The following FCHSD2 variants were observed in gnomAD, a reference collection of about 807,000 sequenced individuals.
The protein encoded by FCHSD2 is FCH and double SH3 domains 2, also known as F-BAR and double SH3 domains protein 2.
In FCHSD2, 38 loss-of-function variants were observed where a neutral mutation model predicts 108.1. That is an observed-to-expected ratio of 0.35 (90% CI 0.27 to 0.46). The LOEUF is 0.46. FCHSD2 is among the 20% of genes least tolerant of loss of function. FCHSD2 has a pLI of 1.00. For missense variants in FCHSD2, 751 were observed against 897.8 expected (o/e 0.84, Z 2.09); for synonymous variants, 279 against 314.7 (o/e 0.89, Z 1.20).
Position 72,954,196 on chromosome 11 carries a change from A to AATTTTTTTTTTT in FCHSD2, c.705+29891_705+29892insAAAAAAAAAAAT, listed in dbSNP as rs1565339614. On this transcript the variant is annotated intron_variant, in intron 8 of 19. Transcript: ENST00000409418. The stretch of plus-strand genomic sequence containing the variant: ...TAGAATATTAGCAGTAGATGTGGGG[A>AATTTTTTTTTTT]TTTTTTTTTTTTTTTTTTTTTTTTT... Among the ~76,000 whole-genome samples the AATTTTTTTTTTT allele has an allele frequency of 7.2e-5, 8 of 111,702 alleles. 3 individuals are homozygous for AATTTTTTTTTTT. The highest frequency in any genetic ancestry group is 9.0e-5 in the Non-Finnish European group (5 of 55,680). 73.3% of individuals were successfully genotyped at this position (111,702 alleles called of 152,430 possible).
At chr11:73,118,980 ATAAT>A (rs1182660540) in intron 2 of FCHSD2, among the ~76,000 whole-genome samples, 1 of 152,236 alleles carries the variant, frequency 6.6e-6, no homozygotes, top group Non-Finnish European at 1.5e-5. Flanking sequence ...TAATAAATAA[ATAAT>A]TAATTTTTGT....
At chr11:72,843,774 T>C (rs951183444) in intron 14 of FCHSD2, 2 of 493,070 alleles carry the variant, frequency 4.1e-6, no homozygotes, top group African/African-American at 1.9e-5. Flanking sequence ...TGACGTTCAA[T>C]GAACAGAACA....
At chr11:73,051,476 CAG>C (rs1412928272) in intron 3 of FCHSD2, among the ~76,000 whole-genome samples, 2 of 151,880 alleles carry the variant, frequency 1.3e-5, no homozygotes, top group African/African-American at 4.8e-5. Flanking sequence ...AATTTACAAA[CAG>C]AAAAAGTTTA....
intron 6 of FCHSD2, among the ~76,000 whole-genome samples, chr11:72,987,689 C>T (rs1262944648): frequency 6.6e-6 from 1 of 152,166 alleles, no homozygotes; most frequent in Non-Finnish European, 1.5e-5. Context: ...TTCTCAGAAA[C>T]GCCCCTCCAC....
chr11:72,980,143 C>G (rs1008864259), intron 8 of FCHSD2, among the ~76,000 whole-genome samples: 63 of 152,068 alleles, frequency 4.1e-4, no homozygotes, highest in South Asian at 2.1e-4. Context: ...TCTATCGTCT[C>G]TGTAAATTAG....
intron 3 of FCHSD2, among the ~76,000 whole-genome samples, chr11:73,040,914 C>T (rs1342539432): frequency 6.6e-6 from 1 of 152,126 alleles, no homozygotes; most frequent in Non-Finnish European, 1.5e-5. Flanking sequence ...AACTATCATT[C>T]TACTCTCAAT....
chr11:72,983,647 AC>A (rs773572933), intron 8 of FCHSD2: 5 of 224,358 alleles, frequency 2.2e-5, no homozygotes, highest in Non-Finnish European at 4.6e-5. Context: ...ATACAATCTA[AC>A]AAAAATTATG....
At chr11:72,904,713 T>C (rs1456201497) in intron 9 of FCHSD2, among the ~76,000 whole-genome samples, 1 of 152,226 alleles carries the variant, frequency 6.6e-6, no homozygotes. Flanking sequence ...AAAAAGTTTT[T>C]CAAATCAGGA....
chr11:72,921,046 G>T (rs1855967570), intron 9 of FCHSD2, among the ~76,000 whole-genome samples: 1 of 151,060 alleles, frequency 6.6e-6, no homozygotes, highest in Admixed American at 6.6e-5. Flanking sequence ...TCTCCTAAAA[G>T]TATTAGCCAG....
chr11:72,930,492 C>A (rs1413971906), intron 8 of FCHSD2, among the ~76,000 whole-genome samples: 1 of 152,160 alleles, frequency 6.6e-6, no homozygotes, highest in African/African-American at 2.4e-5. Context: ...TGGCTCACAC[C>A]TGTAATCCCA....
chr11:73,122,345 T>C (rs902194988), intron 2 of FCHSD2, among the ~76,000 whole-genome samples: 5 of 152,094 alleles, frequency 3.3e-5, no homozygotes, highest in African/African-American at 9.7e-5. Flanking sequence ...CATCAAGACA[T>C]AGACTCTGCT....
At chr11:73,121,174 T>TAC (rs34381314) in intron 2 of FCHSD2, among the ~76,000 whole-genome samples, 4,582 of 148,718 alleles carry the variant, frequency 0.031, 234 homozygotes, top group African/African-American at 0.1. Context: ...CACATACACA[T>TAC]ACACACACAC....
intron 2 of FCHSD2, among the ~76,000 whole-genome samples, chr11:73,094,993 G>A (rs1180484543): frequency 6.6e-6 from 1 of 152,132 alleles, no homozygotes; most frequent in African/African-American, 2.4e-5. Context: ...CTGGATTTCA[G>A]GAATTCTACT....
intron 10 of FCHSD2, among the ~76,000 whole-genome samples, chr11:72,901,944 G>A (rs948157608): frequency 1.3e-5 from 2 of 150,438 alleles, no homozygotes; most frequent in African/African-American, 2.5e-5. Flanking sequence ...GTGTGATCTC[G>A]GCTCACTGTA....
chr11:72,952,244 A>C (rs768803764), intron 8 of FCHSD2, among the ~76,000 whole-genome samples: 6 of 152,142 alleles, frequency 3.9e-5, no homozygotes, highest in Non-Finnish European at 7.3e-5. Flanking sequence ...GGAAAACACT[A>C]ATCTAGTATT....
chr11:72,975,133 G>A (rs1160937841), intron 8 of FCHSD2, among the ~76,000 whole-genome samples: 2 of 152,134 alleles, frequency 1.3e-5, no homozygotes, highest in Non-Finnish European at 2.9e-5. Flanking sequence ...CCATGTTATT[G>A]CAAATGACAG....
At chr11:72,875,678 G>A (rs886996177) in intron 12 of FCHSD2, among the ~76,000 whole-genome samples, 1 of 152,084 alleles carries the variant, frequency 6.6e-6, no homozygotes, top group African/African-American at 2.4e-5. Context: ...ATTTAATCAA[G>A]GTCACACCAA....
intron 3 of FCHSD2, among the ~76,000 whole-genome samples, chr11:73,028,029 C>T (rs1858269208): frequency 1.3e-5 from 2 of 152,234 alleles, no homozygotes; most frequent in Non-Finnish European, 2.9e-5. Context: ...AGGGGCAGAG[C>T]CCTCATGGAG....
intron 10 of FCHSD2, chr11:72,900,233 GCCCTTGA>G (rs1565312563): frequency 2.1e-6 from 1 of 485,908 alleles, no homozygotes. Context: ...CATCCCTCCC[GCCCTTGA>G]CCCACACCCC....
Sources: allele counts gnomAD v4.1 joint callset (sites outside exome capture counted in the v4.1 genomes callset), GRCh38; gene constraint gnomAD v4.1.1; transcripts MANE v1.5; gene names NCBI Gene and HGNC (gene_info 2026-07-23, HGNC 2026-07-21).